SLC27A2: variants seen among roughly 807,000 people sequenced by gnomAD.
SLC27A2 encodes long-chain fatty acid transport protein 2.
SLC27A2 carries 54 observed loss-of-function variants against 60.0 expected under a neutral mutation model. That is an observed-to-expected ratio of 0.90 (90% CI 0.72 to 1.13). The LOEUF (loss-of-function observed/expected upper bound fraction) is 1.13, where lower values mean the gene tolerates loss of function less well. SLC27A2 is among the 50% of genes most tolerant of loss of function. SLC27A2 has a pLI of 0.00. For synonymous variants in SLC27A2, 297 were observed against 297.6 expected (o/e 1.00, Z 0.02); for missense variants, 739 against 777.6 (o/e 0.95, Z 0.59).
At chr15:50,220,133 A>G (rs144240805) in intron 4 of SLC27A2, among the ~76,000 whole-genome samples, 6 of 152,264 alleles carry the variant, frequency 3.9e-5, no homozygotes, top group African/African-American at 1.4e-4. Flanking sequence ...CTTCAGCTGG[A>G]TGATGAAAAC....
intron 8 of SLC27A2, among the ~76,000 whole-genome samples, chr15:50,232,143 A>G (rs567897772): frequency 1.3e-5 from 2 of 152,360 alleles, no homozygotes; most frequent in Admixed American, 6.5e-5. Context: ...GAAGTAAGGC[A>G]TCATTCCACT....
intron 1 of SLC27A2, among the ~76,000 whole-genome samples, chr15:50,195,349 G>T (rs112022967): frequency 0.073 from 11,034 of 150,874 alleles, 445 homozygotes; most frequent in South Asian, 0.12. Flanking sequence ...AAATTAGCCA[G>T]GTGTGGTGGC....
chr15:50,201,380 T>C (rs909537435), intron 2 of SLC27A2, among the ~76,000 whole-genome samples: 2 of 152,160 alleles, frequency 1.3e-5, no homozygotes, highest in Non-Finnish European at 2.9e-5. Context: ...TGCAGCATCA[T>C]TTATAACAGC....
chr15:50,214,068 A>G (rs1181231885), intron 4 of SLC27A2, among the ~76,000 whole-genome samples: 1 of 152,162 alleles, frequency 6.6e-6, no homozygotes. Context: ...CATTAGTAAG[A>G]TTAACCAAGA....
At chr15:50,217,990 G>T (rs910143820) in intron 4 of SLC27A2, among the ~76,000 whole-genome samples, 5 of 142,852 alleles carry the variant, frequency 3.5e-5, no homozygotes, top group Non-Finnish European at 7.5e-5. Flanking sequence ...GGAGGCAGAG[G>T]TTGCATCGAG....
chr15:50,233,475 C>T (rs539225466), intron 8 of SLC27A2, among the ~76,000 whole-genome samples: 1 of 152,260 alleles, frequency 6.6e-6, no homozygotes, highest in Admixed American at 6.5e-5. Context: ...GGATCTGGAG[C>T]CAGGCTGCCT....
intron 8 of SLC27A2, among the ~76,000 whole-genome samples, chr15:50,230,163 G>T (rs1341761269): frequency 6.6e-6 from 1 of 150,790 alleles, no homozygotes; most frequent in Non-Finnish European, 1.5e-5. Flanking sequence ...GAACCAGGGA[G>T]TCGGAGGTTG....
rs1168921213 is a variant in SLC27A2, at chr15:50,236,066, T to C, written c.1833T>C (p.Asn611=). 6.2e-6 allele frequency: 10 copies of C among 1,611,026 alleles called. No homozygotes were observed. Among genetic ancestry groups the C allele is most frequent in the South Asian group, 1.1e-5 (1 of 90,512 alleles). ...TGCCTATGACTGAGGACATCTATAA[T>C]GCCATAAGTGCTAAAACCCTGAAAC... ...MYVPMTEDIY[N]AISAKTLKL is the part of the protein sequence containing the mutation. Residue 611 remains asparagine (N), a synonymous_variant, in exon 10 of 10, where the codon AAT becomes AAC. Coordinates refer to ENST00000267842, the MANE Select transcript of SLC27A2 (RefSeq NM_003645.4).
intron 3 of SLC27A2, among the ~76,000 whole-genome samples, chr15:50,203,183 G>A (rs1202837872): frequency 6.6e-6 from 1 of 151,808 alleles, no homozygotes; most frequent in African/African-American, 2.4e-5. Flanking sequence ...GTGAGACCTT[G>A]ACTGTAAAAA....
At chr15:50,229,448 C>G (rs2045301091) in intron 8 of SLC27A2, among the ~76,000 whole-genome samples, 1 of 152,266 alleles carries the variant, frequency 6.6e-6, no homozygotes, top group South Asian at 2.1e-4. Flanking sequence ...TTTGTACAGC[C>G]TCTTCTTTTT....
chr15:50,199,497 GA>G (rs1171404424), intron 2 of SLC27A2, among the ~76,000 whole-genome samples: 5 of 141,996 alleles, frequency 3.5e-5, no homozygotes, highest in African/African-American at 1.0e-4. Context: ...AAAAAAGAAA[GA>G]AAAAAAAAGA....
chr15:50,202,558 T>C lies in SLC27A2; in HGVS notation c.760T>C (p.Leu254=). Reference sequence around the variant, plus strand: ...AACTGGCCTCACTTTTGTAAGCGGATTGAAGGCAGATGATGTCATCTATAT... The same window carrying C: ...AACTGGCCTCACTTTTGTAAGCGGACTGAAGGCAGATGATGTCATCTATAT... ...YGTGLTFVSG[L]KADDVIYITL... The change falls in exon 3 of 10, where the codon TTG becomes CTG. Residue 254 remains leucine, a synonymous_variant. Transcript: ENST00000267842. The C allele has an allele frequency of 6.2e-7, 1 of 1,614,168 alleles. No individual in the cohort carries two copies. Among genetic ancestry groups the C allele is most frequent in the Non-Finnish European group, 8.5e-7 (1 of 1,179,994 alleles).
At position 50,225,915 on chromosome 15, in the gene SLC27A2, T is replaced by G. The variant is rs1034471864; in HGVS notation, c.1168-73T>G. 3 of 1,050,622 alleles carry G rather than the reference T, an allele frequency of 2.9e-6. No homozygotes were observed. The African/African-American group carries it at 4.8e-5, about 17-fold the overall frequency. The allele number at this position is 1,050,622 out of a possible 1,614,324, so 65.1% of individuals were successfully genotyped here. On this transcript the variant is annotated intron_variant, in intron 5 of 9. Coordinates refer to ENST00000267842, the MANE Select transcript of SLC27A2 (RefSeq NM_003645.4). ...TTCAACCTGTACGCCTAAGATATAC[T>G]TTGTGTTATACCACAATTAAAAAGG...
chr15:50,200,048 A>C (rs577267153), intron 2 of SLC27A2, among the ~76,000 whole-genome samples: 4 of 152,344 alleles, frequency 2.6e-5, no homozygotes, highest in Admixed American at 2.0e-4. Flanking sequence ...TAGTTACCAG[A>C]TATTCTCATT....
At chr15:50,202,768 A>T in intron 3 of SLC27A2, 123 bp downstream of exon 3, 1 of 916,906 alleles carries the variant, frequency 1.1e-6, no homozygotes, top group Non-Finnish European at 1.7e-6. Flanking sequence ...TGCATTAACA[A>T]TAAGGCAATT....
chr15:50,201,719 C>T (rs1312565624), intron 2 of SLC27A2, among the ~76,000 whole-genome samples: 1 of 152,036 alleles, frequency 6.6e-6, no homozygotes, highest in African/African-American at 2.4e-5. Flanking sequence ...CCACGCCCGG[C>T]TAATTTTTTG....
At chr15:50,228,862 C>G (rs1595692893) in intron 7 of SLC27A2, 83 bp from the exon 8 acceptor site, 10 of 916,308 alleles carry the variant, frequency 1.1e-5, no homozygotes, top group African/African-American at 4.9e-5. Flanking sequence ...ATGCAGAAAT[C>G]TAAAGGAAAC....
In SLC27A2 at chr15:50,236,302, G is replaced by GTT; in HGVS notation, c.*208_*209dup. ...TATTATTTTTCAGTGTGCACCTACT[G>GTT]TTTGTATTTGCAAACTGAGCTTGTT... On this transcript the variant is annotated 3_prime_UTR_variant, in exon 10 of 10. Coordinates refer to ENST00000267842, the MANE Select transcript of SLC27A2 (RefSeq NM_003645.4). The GTT allele has an allele frequency of 2.4e-6, 1 of 417,230 alleles. No individual in the cohort carries two copies. The highest frequency in any genetic ancestry group is 4.2e-6 in the Non-Finnish European group (1 of 238,776). 25.8% of individuals were successfully genotyped at this position (417,230 alleles called of 1,614,324 possible). A position where few individuals can be genotyped will look rare whatever the true frequency, so the allele number is the denominator to read the frequency against.
chr15:50,227,952 G>A (rs1286661713), intron 7 of SLC27A2, among the ~76,000 whole-genome samples: 4 of 152,218 alleles, frequency 2.6e-5, no homozygotes, highest in Admixed American at 6.5e-5. Flanking sequence ...CTGGACCTCA[G>A]TCCTTTTGCC....
Sources: gnomAD v4.1 joint callset for allele counts (sites outside exome capture counted in the v4.1 genomes callset) on GRCh38, gnomAD v4.1.1 for gene constraint, MANE v1.5 for transcripts, NCBI Gene and HGNC (gene_info 2026-07-23, HGNC 2026-07-21) for gene names.